Variants in CLNK observed in about 807,000 individuals in gnomAD.
The protein encoded by CLNK is cytokine dependent hematopoietic cell linker, also known as cytokine-dependent hematopoietic cell linker.
Under a neutral mutation model 68.6 loss-of-function variants are expected in CLNK, and 74 were observed. The observed-to-expected ratio is 1.08, with a 90% CI of 0.89 to 1.31. The LOEUF (loss-of-function observed/expected upper bound fraction) is 1.31. CLNK is among the 50% of genes most tolerant of loss of function. The pLI is 0.00. For missense variants in CLNK, 553 were observed against 515.3 expected, an observed-to-expected ratio of 1.07 and a Z score of -0.71; for synonymous variants, 198 against 172.2, an observed-to-expected ratio of 1.15 and a Z score of -1.17.
At chr4:10,577,635 G>A (rs969239216) in intron 4 of CLNK, among the ~76,000 whole-genome samples, 1 of 152,030 alleles carries the variant, frequency 6.6e-6, no homozygotes, top group Non-Finnish European at 1.5e-5. Flanking sequence ...GTTGCCTGGA[G>A]TACAGACATC....
intron 1 of CLNK, among the ~76,000 whole-genome samples, chr4:10,671,926 C>CT (rs1312856514): frequency 4.6e-5 from 7 of 152,298 alleles, no homozygotes; most frequent in South Asian, 2.1e-4. Context: ...GAAGCTTAGT[C>CT]TAAGATAAAA....
intron 7 of CLNK, among the ~76,000 whole-genome samples, chr4:10,560,211 A>G (rs1719834125): frequency 6.6e-6 from 1 of 152,138 alleles, no homozygotes; most frequent in African/African-American, 2.4e-5. Context: ...GAAACTGCCC[A>G]TCTGGGTCAC....
At chr4:10,726,572 C>T in the CLNK span, among the ~76,000 whole-genome samples, 1 of 141,638 alleles carries the variant, frequency 7.1e-6, no homozygotes, top group South Asian at 2.4e-4. Flanking sequence ...AGGTCCTGGA[C>T]ATTAGGATTT....
intron 11 of CLNK, among the ~76,000 whole-genome samples, chr4:10,538,962 T>A (rs1282125163): frequency 6.6e-6 from 1 of 152,208 alleles, no homozygotes; most frequent in Non-Finnish European, 1.5e-5. Flanking sequence ...AAATAGGTAC[T>A]GTTTCCCCTT....
chr4:10,730,209 C>T, the CLNK span, among the ~76,000 whole-genome samples: 2 of 152,180 alleles, frequency 1.3e-5, no homozygotes, highest in Non-Finnish European at 2.9e-5. Flanking sequence ...TGGCTCATCA[C>T]TGCACCATTG....
At chr4:10,709,606 C>T in the CLNK span, among the ~76,000 whole-genome samples, 1 of 152,130 alleles carries the variant, frequency 6.6e-6, no homozygotes, top group African/African-American at 2.4e-5. Context: ...CTAGATCTTC[C>T]ATCTGGAGGT....
intron 1 of CLNK, among the ~76,000 whole-genome samples, chr4:10,676,610 C>T (rs1193462769): frequency 1.3e-5 from 2 of 151,992 alleles, no homozygotes; most frequent in East Asian, 3.9e-4. Flanking sequence ...ATTTATTATT[C>T]CTGTTGAGTT....
At chr4:10,528,210 A>G (rs1008990347) in intron 12 of CLNK, 116 bp from the exon 13 acceptor site, 11 of 425,734 alleles carry the variant, frequency 2.6e-5, no homozygotes, top group African/African-American at 2.2e-4. Flanking sequence ...AACTTTTGTT[A>G]GCATAGTTCG....
intron 1 of CLNK, among the ~76,000 whole-genome samples, chr4:10,677,200 G>T (rs1343502370): frequency 6.6e-6 from 1 of 152,098 alleles, no homozygotes; most frequent in Non-Finnish European, 1.5e-5. Context: ...ACCATTTACA[G>T]GTTGGCCCTG....
At chr4:10,562,606 A>G (rs894069831) in intron 7 of CLNK, among the ~76,000 whole-genome samples, 5 of 152,016 alleles carry the variant, frequency 3.3e-5, no homozygotes, top group Non-Finnish European at 1.5e-5. Flanking sequence ...GAGTTTTACC[A>G]TGTTGGCCAG....
intron 2 of CLNK, among the ~76,000 whole-genome samples, chr4:10,602,292 G>T (rs1398534277): frequency 1.3e-5 from 2 of 152,128 alleles, no homozygotes; most frequent in Non-Finnish European, 1.5e-5. Flanking sequence ...TTGATTTGTG[G>T]GTTTAACGAC....
chr4:10,545,985 C>A (rs112644776), intron 8 of CLNK, among the ~76,000 whole-genome samples: 1 of 152,154 alleles, frequency 6.6e-6, no homozygotes, highest in Non-Finnish European at 1.5e-5. Flanking sequence ...TGGTAGACAG[C>A]GCCCCAGTCC....
In CLNK at chr4:10,681,343, G is replaced by A. The variant is rs546193163; in HGVS notation, c.-43+3325C>T. On this transcript the variant is annotated intron_variant, in intron 1 of 18. Coordinates refer to ENST00000226951, the MANE Select transcript of CLNK (RefSeq NM_052964.4). ...GGGTCTTCAAAACTGATGGTGAAAT[G>A]TGGTCCTTAGGCAGTCCACAAAAAT... 2.0e-5 allele frequency among the ~76,000 whole-genome samples: 3 copies of A among 152,320 alleles called. No individual in the cohort carries two copies. In the East Asian group the frequency reaches 5.8e-4, roughly 29 times the overall value.
intron 18 of CLNK, among the ~76,000 whole-genome samples, chr4:10,500,363 C>T (rs1436434295): frequency 2.6e-5 from 4 of 152,088 alleles, no homozygotes; most frequent in Non-Finnish European, 2.9e-5. Context: ...AATCATGACA[C>T]CAAAGAGTTG....
intron 4 of CLNK, 66 bp downstream of exon 4, chr4:10,584,861 A>T: frequency 6.6e-7 from 1 of 1,515,120 alleles, no homozygotes; most frequent in Admixed American, 1.7e-5. Context: ...AAAAGAATGG[A>T]AATAACAGCC....
intron 2 of CLNK, among the ~76,000 whole-genome samples, chr4:10,659,821 G>A (rs1299702070): frequency 6.6e-6 from 1 of 152,016 alleles, no homozygotes; most frequent in East Asian, 1.9e-4. Context: ...ACATTTTCTA[G>A]GACTTCCTGA....
At chr4:10,708,623 C>T in the CLNK span, among the ~76,000 whole-genome samples, 105 of 152,294 alleles carry the variant, frequency 6.9e-4, no homozygotes, top group African/African-American at 2.5e-3. Flanking sequence ...AGGTGAAGGG[C>T]TCTACTTATC....
chr4:10,544,250 C>T (rs374861132), intron 8 of CLNK, among the ~76,000 whole-genome samples: 9 of 152,278 alleles, frequency 5.9e-5, no homozygotes, highest in African/African-American at 2.2e-4. Context: ...GATATCTACC[C>T]AGTTTTCTTC....
the CLNK span, among the ~76,000 whole-genome samples, chr4:10,727,309 A>G: frequency 6.6e-6 from 1 of 152,208 alleles, no homozygotes; most frequent in African/African-American, 2.4e-5. Context: ...CTCATACTGA[A>G]GGTCAGCTTG....
Sources: allele counts gnomAD v4.1 joint callset (sites outside exome capture counted in the v4.1 genomes callset), GRCh38; gene constraint gnomAD v4.1.1; transcripts MANE v1.5; gene names NCBI Gene and HGNC (gene_info 2026-07-23, HGNC 2026-07-21).